Variants in CENPQ observed in about 807,000 individuals in gnomAD.
The protein encoded by CENPQ is chromosome 6 open reading frame 139.
In CENPQ, 27 loss-of-function variants were observed where a neutral mutation model predicts 36.6. The ratio of observed to expected loss-of-function variants is 0.74; its 90% CI spans 0.54 to 1.02. The LOEUF (loss-of-function observed/expected upper bound fraction) is 1.02, where lower values mean the gene tolerates loss of function less well. Among genes scored for constraint, CENPQ ranks in the 50% least tolerant of loss-of-function variants. CENPQ has a pLI of 0.00. For missense variants in CENPQ, 306 were observed against 301.8 expected (o/e 1.01, Z -0.10); for synonymous variants, 101 against 101.7 (o/e 0.99, Z 0.04).
chr6:49,472,947 G>A, intron 5 of CENPQ, 89 bp downstream of exon 5: 1 of 967,336 alleles, frequency 1.0e-6, no homozygotes, highest in South Asian at 3.7e-5. Flanking sequence ...CTTGTGGAAT[G>A]TAAGTTTTTC....
intron 5 of CENPQ, among the ~76,000 whole-genome samples, chr6:49,473,767 G>C (rs568062370): frequency 7.7e-4 from 117 of 152,276 alleles, no homozygotes; most frequent in African/African-American, 2.7e-3. Context: ...CTGTATTCAG[G>C]AGACCCATCT....
intron 6 of CENPQ, among the ~76,000 whole-genome samples, chr6:49,483,747 C>T (rs1371728800): frequency 6.6e-6 from 1 of 152,252 alleles, no homozygotes; most frequent in African/African-American, 2.4e-5. Context: ...CCTGGAACTA[C>T]AGCTGACCTG....
intron 5 of CENPQ, among the ~76,000 whole-genome samples, chr6:49,478,724 T>C (rs1309864092): frequency 6.6e-6 from 1 of 152,146 alleles, no homozygotes; most frequent in African/African-American, 2.4e-5. Flanking sequence ...ATGGATATGA[T>C]TGATATAGAC....
chr6:49,475,292 C>T, intron 5 of CENPQ, among the ~76,000 whole-genome samples: 1 of 152,050 alleles, frequency 6.6e-6, no homozygotes. Context: ...TAAACGTAAT[C>T]CAGCATATAA....
intron 6 of CENPQ, among the ~76,000 whole-genome samples, chr6:49,483,929 C>T (rs571104982): frequency 1.2e-4 from 19 of 152,364 alleles, no homozygotes; most frequent in African/African-American, 3.4e-4. Context: ...GCAGAGGAGG[C>T]GCCAGGAGTG....
At chr6:49,481,862 G>A (rs1177355206) in intron 6 of CENPQ, among the ~76,000 whole-genome samples, 9 of 152,126 alleles carry the variant, frequency 5.9e-5, no homozygotes, top group South Asian at 2.1e-4. Context: ...GGGACTGGGC[G>A]CCATGGAGCA....
At chr6:49,466,710 A>C (rs1768008125) in intron 1 of CENPQ, among the ~76,000 whole-genome samples, 1 of 152,060 alleles carries the variant, frequency 6.6e-6, no homozygotes, top group Non-Finnish European at 1.5e-5. Context: ...TTGGATTCTT[A>C]CTATGTCTCA....
At chr6:49,468,571 C>G (rs1768058022) in intron 1 of CENPQ, among the ~76,000 whole-genome samples, 1 of 151,898 alleles carries the variant, frequency 6.6e-6, no homozygotes, top group Non-Finnish European at 1.5e-5. Flanking sequence ...CACTCCAGCC[C>G]AAGCGACAGT....
intron 1 of CENPQ, among the ~76,000 whole-genome samples, chr6:49,466,559 A>T (rs1199323115): frequency 6.6e-6 from 1 of 152,212 alleles, no homozygotes; most frequent in Non-Finnish European, 1.5e-5. Flanking sequence ...ACACATAGTA[A>T]TTATTTTCAT....
Position 49,472,969 on chromosome 6 carries a change from A to G in CENPQ, c.347+111A>G, listed in dbSNP as rs529842603. 9.5e-5 allele frequency: 70 copies of G among 736,776 alleles called. No individual in the cohort carries two copies. The South Asian group carries it at 2.6e-3, about 27-fold the overall frequency. The allele number at this position is 736,776 out of a possible 1,614,324, so 45.6% of individuals were successfully genotyped here. A position where few individuals can be genotyped will look rare whatever the true frequency, so the allele number is the denominator to read the frequency against. On this transcript the variant is annotated intron_variant, in intron 5 of 8. Transcript: ENST00000335783. ...AATGTAAGTTTTTCTTTTTTTTTAG[A>G]GAAGGTGAACAACTTGGAAGTATGT...
intron 3 of CENPQ, among the ~76,000 whole-genome samples, chr6:49,471,518 T>G (rs1768133175): frequency 6.6e-6 from 1 of 152,178 alleles, no homozygotes; most frequent in South Asian, 2.1e-4. Context: ...ACTGCCATAG[T>G]GTACAATACT....
At chr6:49,470,339 C>T (rs1001184272) in intron 2 of CENPQ, 61 bp downstream of exon 2, 1 of 1,054,136 alleles carries the variant, frequency 9.5e-7, no homozygotes, top group Non-Finnish European at 1.4e-6. Flanking sequence ...CACTATGGCT[C>T]ATGCCTGTAA....
chr6:49,470,928 T>C, intron 2 of CENPQ, 46 bp from the exon 3 acceptor site: 1 of 1,099,774 alleles, frequency 9.1e-7, no homozygotes, highest in Non-Finnish European at 1.3e-6. Context: ...TCCTTTTATC[T>C]GATGTTTAAT....
intron 8 of CENPQ, among the ~76,000 whole-genome samples, chr6:49,488,935 A>G (rs1768656123): frequency 6.6e-6 from 1 of 152,112 alleles, no homozygotes; most frequent in East Asian, 1.9e-4. Flanking sequence ...AAAAATGTTA[A>G]CAATCATCTG....
intron 5 of CENPQ, among the ~76,000 whole-genome samples, chr6:49,477,424 G>T (rs1351091098): frequency 7.7e-6 from 1 of 129,582 alleles, no homozygotes; most frequent in Non-Finnish European, 1.6e-5. Context: ...CTGTCATGGG[G>T]TGGGGGGAGG....
At chr6:49,476,236 A>G (rs1349281757) in intron 5 of CENPQ, among the ~76,000 whole-genome samples, 2 of 152,210 alleles carry the variant, frequency 1.3e-5, no homozygotes, top group East Asian at 1.9e-4. Flanking sequence ...ATAGAGACCA[A>G]TGGAACAGAA....
At chr6:49,477,428 G>A in intron 5 of CENPQ, among the ~76,000 whole-genome samples, 1 of 129,842 alleles carries the variant, frequency 7.7e-6, no homozygotes, top group Non-Finnish European at 1.6e-5. Flanking sequence ...CATGGGGTGG[G>A]GGGAGGGGGA....
At chr6:49,472,332 C>A in intron 4 of CENPQ, 149 bp downstream of exon 4, 2 of 636,764 alleles carry the variant, frequency 3.1e-6, no homozygotes, top group Non-Finnish European at 4.6e-6. Context: ...ACGGTATTTG[C>A]CTTCAGCAGA....
chr6:49,482,163 G>A (rs1231743213), intron 6 of CENPQ, among the ~76,000 whole-genome samples: 10 of 152,268 alleles, frequency 6.6e-5, no homozygotes, highest in South Asian at 2.1e-4. Context: ...CAGCTGGCCC[G>A]CAAGCACCGC....
Sources: gnomAD v4.1 joint callset for allele counts (sites outside exome capture counted in the v4.1 genomes callset) on GRCh38, gnomAD v4.1.1 for gene constraint, MANE v1.5 for transcripts, NCBI Gene and HGNC (gene_info 2026-07-23, HGNC 2026-07-21) for gene names.